The following SLC9A8 variants were observed in gnomAD, a reference collection of about 807,000 sequenced individuals.
SLC9A8 encodes the protein sodium/hydrogen exchanger 8.
A neutral mutation model predicts 66.6 loss-of-function variants in SLC9A8; 48 were observed. That is an observed-to-expected ratio of 0.72 (90% CI 0.57 to 0.92). The LOEUF is 0.92. Ranked by LOEUF, SLC9A8 falls within the 40% of genes least tolerant of loss-of-function variation. The probability of loss-of-function intolerance (pLI) is 0.00; values close to 1 mark genes in which losing one functional copy is unlikely to be tolerated. For missense variants in SLC9A8, 599 were observed against 747.3 expected, an observed-to-expected ratio of 0.80 and a Z score of 2.31; for synonymous variants, 274 against 282.6, an observed-to-expected ratio of 0.97 and a Z score of 0.31.
intron 11 of SLC9A8, among the ~76,000 whole-genome samples, chr20:49,876,078 G>A (rs2089417667): frequency 1.3e-5 from 2 of 152,096 alleles, no homozygotes; most frequent in African/African-American, 4.8e-5. Flanking sequence ...CACTGTTAGC[G>A]TGCTAGGAGG....
chr20:49,834,206 T>TACAC (rs1568811788), intron 3 of SLC9A8, among the ~76,000 whole-genome samples: 1 of 112,210 alleles, frequency 8.9e-6, no homozygotes, highest in African/African-American at 3.4e-5. Context: ...TATATATATA[T>TACAC]ATATATATAC....
rs762324451 is a variant in SLC9A8, at chr20:49,877,975, T to C, written c.1076-6T>C. 1 of 1,586,612 alleles carries C rather than the reference T, an allele frequency of 6.3e-7. No homozygotes were observed. ...GTTGAATAATCCATTCTTTGGTTTG[T>C]TTCAGAAACATGTGTGTTTGCATTT... On this transcript the variant is annotated splice_region_variant and splice_polypyrimidine_tract_variant and intron_variant, in intron 11 of 15. Transcript: ENST00000361573.
At position 49,874,800 on chromosome 20, in the gene SLC9A8, C is replaced by T. The variant is rs2089358282; in HGVS notation, c.1054C>T (p.Arg352Cys). The T allele has an allele frequency of 3.7e-6, 6 of 1,612,648 alleles. No homozygotes were observed. The highest frequency in any genetic ancestry group is 4.2e-6 in the Non-Finnish European group (5 of 1,178,718). ...CCAGATCCTCATGCAGCAGACCCTCCGCACCGTGGCCTTCTTATGTGGTGA... is the reference window on the plus strand; with the variant it reads ...CCAGATCCTCATGCAGCAGACCCTCTGCACCGTGGCCTTCTTATGTGGTGA... ...VTQILMQQTLRTVAFLCETCV... is the reference protein window; with the variant it reads ...VTQILMQQTLCTVAFLCETCV... Residue 352 changes from arginine to cysteine, a missense_variant, in exon 11 of 16, where the codon CGC becomes TGC. This residue lies in a region of SLC9A8 where 467 missense variants were observed against 626.5 expected (regional missense o/e 0.75). Coordinates refer to ENST00000361573, the MANE Select transcript of SLC9A8 (RefSeq NM_015266.3).
At chr20:49,825,155 CCTAT>C (rs1271251418) in intron 3 of SLC9A8, among the ~76,000 whole-genome samples, 1 of 152,104 alleles carries the variant, frequency 6.6e-6, no homozygotes, top group Non-Finnish European at 1.5e-5. Context: ...CCTGAAACTT[CCTAT>C]CTTAGTGCTA....
intron 8 of SLC9A8, among the ~76,000 whole-genome samples, chr20:49,858,293 C>T (rs1275668805): frequency 6.6e-6 from 1 of 151,546 alleles, no homozygotes; most frequent in Non-Finnish European, 1.5e-5. Flanking sequence ...CAACATCATG[C>T]CACAAGACCT....
intron 3 of SLC9A8, among the ~76,000 whole-genome samples, chr20:49,831,876 C>A (rs2087213655): frequency 6.6e-6 from 1 of 152,222 alleles, no homozygotes; most frequent in African/African-American, 2.4e-5. Flanking sequence ...GGAAGTGACA[C>A]CCCAGACACC....
intron 6 of SLC9A8, 99 bp from the exon 7 acceptor site, chr20:49,850,710 TA>T (rs1468335609): frequency 1.4e-6 from 2 of 1,460,194 alleles, no homozygotes; most frequent in Non-Finnish European, 1.9e-6. Flanking sequence ...TTAATGTCCT[TA>T]TTAGTTTTAA....
At chr20:49,847,120 A>T (rs574793427) in intron 5 of SLC9A8, among the ~76,000 whole-genome samples, 25 of 152,198 alleles carry the variant, frequency 1.6e-4, no homozygotes, top group African/African-American at 5.5e-4. Context: ...TTATTATTTT[A>T]TTGTGCATCT....
At chr20:49,854,836 T>C (rs897707983) in intron 7 of SLC9A8, among the ~76,000 whole-genome samples, 2 of 152,142 alleles carry the variant, frequency 1.3e-5, no homozygotes, top group Non-Finnish European at 2.9e-5. Flanking sequence ...TCCTGAAACA[T>C]GTTAGACAAT....
At chr20:49,874,882 T>G (rs1167114484) in intron 11 of SLC9A8, 61 bp downstream of exon 11, 2 of 1,185,414 alleles carry the variant, frequency 1.7e-6, no homozygotes, top group Non-Finnish European at 1.3e-6. Context: ...TGCTTCCTTA[T>G]CCTGTTTGAG....
At chr20:49,844,302 TCCTCTGAGTG>T in intron 4 of SLC9A8, among the ~76,000 whole-genome samples, 1 of 152,292 alleles carries the variant, frequency 6.6e-6, no homozygotes, top group Admixed American at 6.5e-5. Flanking sequence ...GATTTACTGT[TCCTCTGAGTG>T]GATTGTTTTA....
At chr20:49,842,072 T>TG (rs58063814) in intron 4 of SLC9A8, among the ~76,000 whole-genome samples, 1 of 150,214 alleles carries the variant, frequency 6.7e-6, no homozygotes, top group African/African-American at 2.4e-5. Flanking sequence ...TTTTTTTTTT[T>TG]GCTGGGGAGT....
At chr20:49,868,384 G>C (rs939825792) in intron 10 of SLC9A8, among the ~76,000 whole-genome samples, 1 of 152,184 alleles carries the variant, frequency 6.6e-6, no homozygotes, top group African/African-American at 2.4e-5. Context: ...TGTCACGCAG[G>C]GTTTTCAGAG....
At chr20:49,828,503 G>A (rs1373194929) in intron 3 of SLC9A8, among the ~76,000 whole-genome samples, 12 of 150,060 alleles carry the variant, frequency 8.0e-5, no homozygotes, top group African/African-American at 2.4e-4. Context: ...AATTACAGCC[G>A]TGAGCCACTG....
Position 49,850,859 on chromosome 20 carries a change from C to G in SLC9A8, c.569+15C>G, listed in dbSNP as rs1426332883. The G allele has an allele frequency of 1.5e-5, 23 of 1,584,284 alleles. No individual in the cohort carries two copies. Among genetic ancestry groups the G allele is most frequent in the Non-Finnish European group, 2.0e-5 (23 of 1,161,700 alleles). On this transcript the variant is annotated intron_variant, in intron 7 of 15. Transcript: ENST00000361573. ...ATGACAGACAGGTAAATCCTTCATA[C>G]TGTAACACCCATGCGACTGCTTTTC...
At chr20:49,821,143 A>G (rs112805377) in intron 2 of SLC9A8, among the ~76,000 whole-genome samples, 11 of 152,264 alleles carry the variant, frequency 7.2e-5, no homozygotes, top group African/African-American at 2.6e-4. Flanking sequence ...GATGAGCCTT[A>G]TATTAACTCT....
At position 49,814,989 on chromosome 20, in the gene SLC9A8, T is replaced by C. The variant is rs1261521916; in HGVS notation, c.27-19T>C. ...GGGACCCTTTTCCATTATCTAATTA[T>C]GCTTTCTATGTCCTCCAGGAGGTTC... On this transcript the variant is annotated intron_variant, in intron 1 of 15. Coordinates refer to ENST00000361573, the MANE Select transcript of SLC9A8 (RefSeq NM_015266.3). The C allele has an allele frequency of 6.7e-7, 1 of 1,495,220 alleles. No homozygotes were observed. Among genetic ancestry groups the C allele is most frequent in the African/African-American group, 1.4e-5 (1 of 70,140 alleles). The allele number at this position is 1,495,220 out of a possible 1,614,324, so 92.6% of individuals were successfully genotyped here.
chr20:49,874,818 T>G lies in SLC9A8; in HGVS notation c.1072T>G (p.Cys358Gly). 1 of 1,601,422 alleles carries G rather than the reference T, an allele frequency of 6.2e-7. No individual in the cohort carries two copies. The highest frequency in any genetic ancestry group is 8.6e-7 in the Non-Finnish European group (1 of 1,168,272). ...GACCCTCCGCACCGTGGCCTTCTTA[T>G]GTGGTGAGTTCTGCTTCTGTGTGGC... Reference protein sequence around the residue: ...QQTLRTVAFLCETCVFAFLGL... With the variant: ...QQTLRTVAFLGETCVFAFLGL... The change falls in exon 11 of 16, where the codon TGT (cysteine) becomes GGT (glycine). Residue 358 changes from cysteine (C) to glycine (G), a missense_variant. By Grantham distance (159) the Cys-to-Gly change is radical (BLOSUM62 -3). This residue lies in a region of SLC9A8 where 467 missense variants were observed against 626.5 expected (regional missense o/e 0.75). Transcript: ENST00000361573.
At position 49,887,937 on chromosome 20, in the gene SLC9A8, C is replaced by T. The variant is rs367961630; in HGVS notation, c.*1C>T. 52 of 1,611,304 alleles carry T rather than the reference C, an allele frequency of 3.2e-5. No homozygotes were observed. The highest frequency in any genetic ancestry group is 1.3e-4 in the South Asian group (12 of 90,986). ...GGACGACGAGCAGGAGCTGCTCTGA[C>T]GCCAGGTGCCAAGGCTTCAGGCAGG... On this transcript the variant is annotated 3_prime_UTR_variant, in exon 16 of 16. Coordinates refer to ENST00000361573, the MANE Select transcript of SLC9A8 (RefSeq NM_015266.3).
Sources: allele counts gnomAD v4.1 joint callset (sites outside exome capture counted in the v4.1 genomes callset), GRCh38; gene constraint gnomAD v4.1.1; regional missense constraint gnomAD v4.1.1; transcripts MANE v1.5; gene names NCBI Gene and HGNC (gene_info 2026-07-23, HGNC 2026-07-21).